The following RABGAP1L variants were observed in gnomAD, a reference collection of about 807,000 sequenced individuals.
RABGAP1L encodes rab GTPase-activating protein 1-like.
RABGAP1L carries 63 observed loss-of-function variants against 137.7 expected under a neutral mutation model. The ratio of observed to expected loss-of-function variants is 0.46; its 90% CI spans 0.37 to 0.56. The LOEUF (loss-of-function observed/expected upper bound fraction) is 0.56, where lower values mean the gene tolerates loss of function less well. RABGAP1L is among the 20% of genes least tolerant of loss of function. The pLI, the probability that RABGAP1L is intolerant of heterozygous loss-of-function variation, is 0.00. For missense variants in RABGAP1L, 1,095 were observed against 1,244.0 expected, an observed-to-expected ratio of 0.88 and a Z score of 1.80; for synonymous variants, 431 against 433.7, an observed-to-expected ratio of 0.99 and a Z score of 0.08.
intron 13 of RABGAP1L, among the ~76,000 whole-genome samples, chr1:174,493,149 A>C (rs1660420056): frequency 6.8e-6 from 1 of 148,108 alleles, no homozygotes; most frequent in Non-Finnish European, 1.5e-5. Context: ...GCCTTAGCCC[A>C]AGAGTTTGAG....
At chr1:174,394,402 A>G (rs927870289) in intron 13 of RABGAP1L, among the ~76,000 whole-genome samples, 3 of 152,176 alleles carry the variant, frequency 2.0e-5, no homozygotes, top group African/African-American at 7.2e-5. Flanking sequence ...AAATTGGAAT[A>G]TATTTATATT....
At chr1:174,409,512 G>A (rs917748845) in intron 13 of RABGAP1L, among the ~76,000 whole-genome samples, 2 of 152,076 alleles carry the variant, frequency 1.3e-5, no homozygotes, top group East Asian at 1.9e-4. Context: ...AGAATAACAC[G>A]ATTTTCAGGA....
intron 13 of RABGAP1L, among the ~76,000 whole-genome samples, chr1:174,553,395 G>T (rs996899486): frequency 1.4e-4 from 22 of 152,236 alleles, no homozygotes; most frequent in African/African-American, 4.8e-4. Context: ...ATCTTGAGTT[G>T]ATTTTTGTAT....
intron 19 of RABGAP1L, among the ~76,000 whole-genome samples, chr1:174,816,764 G>T (rs1399604139): frequency 1.6e-5 from 2 of 124,642 alleles, no homozygotes; most frequent in Admixed American, 9.9e-5. Context: ...ATGGAGTCTT[G>T]CTCTGTCACC....
intron 10 of RABGAP1L, among the ~76,000 whole-genome samples, chr1:174,302,094 AC>A (rs1470490176): frequency 1.3e-5 from 2 of 152,218 alleles, no homozygotes; most frequent in African/African-American, 4.8e-5. Flanking sequence ...GTTCTAAGAT[AC>A]GGACAAGCTT....
At chr1:174,850,785 A>G (rs1023713120) in intron 19 of RABGAP1L, among the ~76,000 whole-genome samples, 1 of 152,212 alleles carries the variant, frequency 6.6e-6, no homozygotes, top group Non-Finnish European at 1.5e-5. Flanking sequence ...GCCTAATCGA[A>G]TCATATGAGC....
Position 174,448,603 on chromosome 1 carries a change from G to T in RABGAP1L, c.1710+54458G>T, listed in dbSNP as rs1349594101. On this transcript the variant is annotated intron_variant, in intron 13 of 25. Transcript: ENST00000681986. This position sits in a 1 kb window ranked among gnomAD's most constrained non-coding sequence, Gnocchi z 4.2. ...GTCGCTTGAGAATTTGCATTATTTT[G>T]ATCTGGATCTACTCCTGCCTAATTT... 1 of 1,613,796 alleles carries T rather than the reference G, an allele frequency of 6.2e-7. No individual in the cohort carries two copies. The highest frequency in any genetic ancestry group is 1.7e-5 in the Admixed American group (1 of 59,996).
At chr1:174,473,214 A>G (rs1364633298) in intron 13 of RABGAP1L, among the ~76,000 whole-genome samples, 6 of 152,182 alleles carry the variant, frequency 3.9e-5, no homozygotes, top group Admixed American at 6.5e-5. Context: ...ATCTTTAGTA[A>G]TAAATACCTA....
chr1:174,597,129 T>TG (rs927016799), intron 13 of RABGAP1L, among the ~76,000 whole-genome samples: 2 of 152,184 alleles, frequency 1.3e-5, no homozygotes, highest in Non-Finnish European at 2.9e-5. Flanking sequence ...AGTATTTTGT[T>TG]GAGGATTTTT....
In RABGAP1L at chr1:174,159,599, T is replaced by G. The variant is rs2148164679; in HGVS notation, c.-92T>G. 3 of 149,864 alleles carry G rather than the reference T, an allele frequency of 2.0e-5. No individual in the cohort carries two copies. The highest frequency in any genetic ancestry group is 4.9e-5 in the African/African-American group (2 of 40,426). 9.3% of individuals were successfully genotyped at this position (149,864 alleles called of 1,614,324 possible). A position where few individuals can be genotyped will look rare whatever the true frequency, so the allele number is the denominator to read the frequency against. On this transcript the variant is annotated 5_prime_UTR_variant, in exon 1 of 26. Coordinates refer to ENST00000681986, the MANE Select transcript of RABGAP1L (RefSeq NM_001366446.1). Reference sequence around the variant, plus strand: ...CGGCTTCAGAGCGCGAGGTGGAGGGTGGAACGCGGGCGCCTGAAGGAGTTG... The same window carrying G: ...CGGCTTCAGAGCGCGAGGTGGAGGGGGGAACGCGGGCGCCTGAAGGAGTTG...
intron 17 of RABGAP1L, among the ~76,000 whole-genome samples, chr1:174,747,856 A>G (rs933501925): frequency 1.4e-5 from 2 of 145,008 alleles, no homozygotes; most frequent in African/African-American, 5.5e-5. Context: ...GGACCCAGAG[A>G]GCTATGCATT....
At chr1:174,603,733 A>G (rs772121124) in intron 13 of RABGAP1L, among the ~76,000 whole-genome samples, 1 of 151,810 alleles carries the variant, frequency 6.6e-6, no homozygotes, top group African/African-American at 2.4e-5. Flanking sequence ...CCTGGTTACA[A>G]CTGATGTTTA....
chr1:174,396,351 A>C (rs1445367518), intron 13 of RABGAP1L, among the ~76,000 whole-genome samples: 2 of 152,110 alleles, frequency 1.3e-5, no homozygotes, highest in Non-Finnish European at 2.9e-5. Context: ...TTTCACACAC[A>C]CAAAAAAAGA....
rs1035743797 is a variant in RABGAP1L, at chr1:174,683,441, G to A, written c.1825-81G>A. Reference sequence around the variant, plus strand: ...GTTGACAGCCCAGGGACAGGAACAAGCAGGAGCCTGGTATGAGCTAACATT... The same window carrying A: ...GTTGACAGCCCAGGGACAGGAACAAACAGGAGCCTGGTATGAGCTAACATT... On this transcript the variant is annotated intron_variant, in intron 14 of 25. Transcript: ENST00000681986. 2.6e-6 allele frequency: 3 copies of A among 1,141,364 alleles called. No individual in the cohort carries two copies. The African/African-American group carries it at 4.7e-5, about 18-fold the overall frequency. 70.7% of individuals were successfully genotyped at this position (1,141,364 alleles called of 1,614,324 possible). A position where few individuals can be genotyped will look rare whatever the true frequency, so the allele number is the denominator to read the frequency against.
At chr1:174,795,839 G>A (rs774540776) in intron 18 of RABGAP1L, among the ~76,000 whole-genome samples, 2 of 152,204 alleles carry the variant, frequency 1.3e-5, no homozygotes, top group Non-Finnish European at 2.9e-5. Context: ...GCGTCCCAAA[G>A]TCCTGGGATT....
intron 13 of RABGAP1L, among the ~76,000 whole-genome samples, chr1:174,546,769 G>A (rs1407897928): frequency 3.3e-5 from 5 of 152,158 alleles, no homozygotes; most frequent in South Asian, 2.1e-4. Context: ...GGTGGCTCAC[G>A]CCTGTAATCC....
intron 13 of RABGAP1L, among the ~76,000 whole-genome samples, chr1:174,477,368 T>G (rs1396819092): frequency 6.6e-6 from 1 of 152,248 alleles, no homozygotes; most frequent in Non-Finnish European, 1.5e-5. Flanking sequence ...TGTTATGATG[T>G]TCATATATAG....
At chr1:174,460,120 A>G (rs975640626) in intron 13 of RABGAP1L, among the ~76,000 whole-genome samples, 8 of 152,136 alleles carry the variant, frequency 5.3e-5, no homozygotes, top group Admixed American at 4.6e-4. Context: ...TTGCCCTTCC[A>G]TAATTGGCAC....
intron 3 of RABGAP1L, among the ~76,000 whole-genome samples, chr1:174,228,303 C>A (rs1364192496): frequency 1.3e-5 from 2 of 151,788 alleles, no homozygotes; most frequent in African/African-American, 4.8e-5. Context: ...TCTTTTTGGC[C>A]TCCTCTTTTC....
Sources: gnomAD v4.1 joint callset for allele counts (sites outside exome capture counted in the v4.1 genomes callset) on GRCh38, gnomAD v4.1.1 for gene constraint, Gnocchi (gnomAD v3.1) non-coding constraint, MANE v1.5 for transcripts, NCBI Gene and HGNC (gene_info 2026-07-23, HGNC 2026-07-21) for gene names.